USP49: variants seen among roughly 807,000 people sequenced by gnomAD.
USP49 encodes the protein ubiquitin carboxyl-terminal hydrolase 49.
Under a neutral mutation model 58.6 loss-of-function variants are expected in USP49, and 24 were observed. That is an observed-to-expected ratio of 0.41 (90% CI 0.30 to 0.58). The LOEUF (loss-of-function observed/expected upper bound fraction) is 0.58, where lower values mean the gene tolerates loss of function less well. USP49 is among the 20% of genes least tolerant of loss of function. The pLI is 0.30. For synonymous variants in USP49, 408 were observed against 365.1 expected (o/e 1.12, Z -1.34); for missense variants, 703 against 866.1 (o/e 0.81, Z 2.36).
At chr6:41,852,827 C>T (rs560682494) in intron 3 of USP49, among the ~76,000 whole-genome samples, 1 of 152,176 alleles carries the variant, frequency 6.6e-6, no homozygotes, top group Non-Finnish European at 1.5e-5. Context: ...CCAAAATGTC[C>T]ATCAATGGAT....
At chr6:41,867,228 A>G (rs1484458713) in intron 3 of USP49, among the ~76,000 whole-genome samples, 1 of 152,198 alleles carries the variant, frequency 6.6e-6, no homozygotes, top group Non-Finnish European at 1.5e-5. Context: ...TTAGGCCATC[A>G]CATTCTAATT....
At chr6:41,867,465 C>T (rs1003050975) in intron 3 of USP49, among the ~76,000 whole-genome samples, 4 of 151,802 alleles carry the variant, frequency 2.6e-5, no homozygotes, top group Non-Finnish European at 4.4e-5. Flanking sequence ...TTCTTCTGGC[C>T]GGGCGCGGTG....
chr6:41,798,702 C>G, intron 7 of USP49, 22 bp downstream of exon 7: 1 of 1,613,894 alleles, frequency 6.2e-7, no homozygotes, highest in Non-Finnish European at 8.5e-7. Context: ...GTCCCCCACC[C>G]CACAGAGTAA....
At chr6:41,798,127 C>A in intron 7 of USP49, 1 of 154,360 alleles carries the variant, frequency 6.5e-6, no homozygotes, top group South Asian at 1.9e-4. Flanking sequence ...CTCTGCCTCC[C>A]AAAGTGTTGG....
chr6:41,868,936 G>T (rs1774368479), intron 3 of USP49: 1 of 151,844 alleles, frequency 6.6e-6, no homozygotes. Flanking sequence ...GCTAATTTTT[G>T]TATTTTTAGT....
At chr6:41,802,259 C>T (rs926054035) in intron 5 of USP49, among the ~76,000 whole-genome samples, 14 of 151,806 alleles carry the variant, frequency 9.2e-5, no homozygotes, top group African/African-American at 3.4e-4. Flanking sequence ...TGGCTTCAGG[C>T]AATCCTCCTG....
intron 3 of USP49, among the ~76,000 whole-genome samples, chr6:41,834,746 G>A (rs1195279392): frequency 6.6e-6 from 1 of 152,186 alleles, no homozygotes. Context: ...CTCCCCAGAA[G>A]CAGATGCCAC....
intron 2 of USP49, among the ~76,000 whole-genome samples, chr6:41,877,344 A>T (rs1373648930): frequency 1.3e-5 from 2 of 152,192 alleles, no homozygotes; most frequent in Admixed American, 1.3e-4. Context: ...TTGACTTCTT[A>T]GAAGTTATTT....
intron 3 of USP49, among the ~76,000 whole-genome samples, chr6:41,852,029 GAAA>G (rs1434974830): frequency 2.2e-5 from 3 of 137,676 alleles, no homozygotes; most frequent in Admixed American, 7.4e-5. Context: ...CTAATATATA[GAAA>G]ATCCTGGGCC....
intron 3 of USP49, among the ~76,000 whole-genome samples, chr6:41,868,442 T>C (rs1561923078): frequency 1.3e-5 from 2 of 152,044 alleles, no homozygotes; most frequent in African/African-American, 2.4e-5. Context: ...ATTCTCCTGC[T>C]TCAGCCTCCT....
At chr6:41,812,424 G>T (rs1477304989) in intron 3 of USP49, among the ~76,000 whole-genome samples, 1 of 446 alleles carries the variant, frequency 2.2e-3, no homozygotes, top group Non-Finnish European at 8.2e-3. Flanking sequence ...GCCGGGCGCA[G>T]TGCTCACGCC....
At chr6:41,839,125 G>A (rs998271361) in intron 3 of USP49, among the ~76,000 whole-genome samples, 3 of 152,106 alleles carry the variant, frequency 2.0e-5, no homozygotes, top group Non-Finnish European at 4.4e-5. Flanking sequence ...GTCTGAAAGA[G>A]TCCTGGTGTG....
At chr6:41,844,692 G>C (rs952655451) in intron 3 of USP49, among the ~76,000 whole-genome samples, 1 of 151,948 alleles carries the variant, frequency 6.6e-6, no homozygotes, top group Admixed American at 6.6e-5. Flanking sequence ...TATAAAGCTG[G>C]GTACACACAA....
chr6:41,796,620 C>T lies in USP49; in HGVS notation c.1980G>A (p.Gln660=). 1 of 717,496 alleles carries T rather than the reference C, an allele frequency of 1.4e-6. No homozygotes were observed. The highest frequency in any genetic ancestry group is 1.5e-5 in the South Asian group (1 of 67,606). 44.4% of individuals were successfully genotyped at this position (717,496 alleles called of 1,614,324 possible). A position where few individuals can be genotyped will look rare whatever the true frequency, so the allele number is the denominator to read the frequency against. Residue 660 remains glutamine, a synonymous_variant, in exon 8 of 8, where the codon CAG becomes CAA. Coordinates refer to ENST00000682992, the MANE Select transcript of USP49 (RefSeq NM_001286554.2). The part of the protein sequence containing the change: ...YILFYTQRTV[Q]GNARISETHL... ...GGGTTTCTGAGATTCTTGCATTGCC[C>T]TGCACTGTTCTTTGAGTGTAAAAAA...
intron 2 of USP49, among the ~76,000 whole-genome samples, chr6:41,891,579 T>C (rs528275789): frequency 1.1e-3 from 161 of 152,290 alleles, no homozygotes; most frequent in African/African-American, 3.4e-3. Context: ...AACTAAGGTC[T>C]TATAAATACA....
intron 3 of USP49, among the ~76,000 whole-genome samples, chr6:41,859,983 C>A (rs1294406596): frequency 6.6e-6 from 1 of 152,144 alleles, no homozygotes; most frequent in Non-Finnish European, 1.5e-5. Flanking sequence ...AGCTAATAGT[C>A]CCATTTACCG....
rs1427668526 is a variant in USP49 at position 41,802,441 on chromosome 6, TTTA to T, written c.1561+1362_1561+1364del. 4.0e-3 allele frequency among the ~76,000 whole-genome samples: 291 copies of T among 72,956 alleles called. 1 individual carries two copies. The highest frequency in any genetic ancestry group is 7.6e-3 in the Admixed American group (40 of 5,290). The allele number at this position is 72,956 out of a possible 152,430, so 47.9% of individuals were successfully genotyped here. On this transcript the variant is annotated intron_variant, in intron 5 of 7. Coordinates refer to ENST00000682992, the MANE Select transcript of USP49 (RefSeq NM_001286554.2). Reference sequence around the variant, plus strand: ...TATTTTATTTTATTTTATTTATTTATTTATTTATTTATTTATTTATTTATTTAT... The same window carrying T: ...TATTTTATTTTATTTTATTTATTTATTTTATTTATTTATTTATTTATTTAT...
At chr6:41,830,703 T>C (rs1773618263) in intron 3 of USP49, among the ~76,000 whole-genome samples, 1 of 151,848 alleles carries the variant, frequency 6.6e-6, no homozygotes, top group East Asian at 1.9e-4. Context: ...GGTGCATACC[T>C]GTAATCCCAC....
chr6:41,885,219 CATT>C (rs1213742656), intron 2 of USP49, among the ~76,000 whole-genome samples: 2 of 152,222 alleles, frequency 1.3e-5, no homozygotes, highest in African/African-American at 4.8e-5. Flanking sequence ...TTAATATACT[CATT>C]ATGCCATGCT....
Sources: allele counts gnomAD v4.1 joint callset (sites outside exome capture counted in the v4.1 genomes callset), GRCh38; gene constraint gnomAD v4.1.1; transcripts MANE v1.5; gene names NCBI Gene and HGNC (gene_info 2026-07-23, HGNC 2026-07-21).